Variants in PITPNC1 observed in about 807,000 individuals in gnomAD.
The protein encoded by PITPNC1 is cytoplasmic phosphatidylinositol transfer protein 1.
In PITPNC1, 18 loss-of-function variants were observed where a neutral mutation model predicts 44.7. The observed-to-expected ratio is 0.40, with a 90% CI of 0.28 to 0.60. The LOEUF (loss-of-function observed/expected upper bound fraction) is 0.60, where lower values mean the gene tolerates loss of function less well. Ranked by LOEUF, PITPNC1 falls within the 20% of genes least tolerant of loss-of-function variation. PITPNC1 has a pLI of 0.39. For synonymous variants in PITPNC1, 141 were observed against 149.6 expected (o/e 0.94, Z 0.42); for missense variants, 290 against 418.4 (o/e 0.69, Z 2.68).
At chr17:67,398,409 A>T (rs1460609833) in intron 1 of PITPNC1, among the ~76,000 whole-genome samples, 1 of 152,062 alleles carries the variant, frequency 6.6e-6, no homozygotes, top group Non-Finnish European at 1.5e-5. Flanking sequence ...AAGAAGTGGT[A>T]ATCGGTTGGC....
At chr17:67,573,433 T>A (rs892051139) in intron 4 of PITPNC1, among the ~76,000 whole-genome samples, 6 of 151,982 alleles carry the variant, frequency 3.9e-5, no homozygotes, top group African/African-American at 1.4e-4. Flanking sequence ...AGTTGCTCAG[T>A]CATATTGCAG....
intron 1 of PITPNC1, among the ~76,000 whole-genome samples, chr17:67,386,586 C>T (rs1218591926): frequency 3.9e-5 from 6 of 152,144 alleles, no homozygotes; most frequent in Admixed American, 3.3e-4. Flanking sequence ...TGGGGAATCA[C>T]AACGTTTTGG....
At chr17:67,392,765 C>T (rs2038156926) in intron 1 of PITPNC1, among the ~76,000 whole-genome samples, 1 of 152,170 alleles carries the variant, frequency 6.6e-6, no homozygotes, top group Non-Finnish European at 1.5e-5. Flanking sequence ...AAGAGGACTG[C>T]ACTTCACTGG....
chr17:67,644,081 C>A (rs1162830635), intron 6 of PITPNC1, among the ~76,000 whole-genome samples: 5 of 151,774 alleles, frequency 3.3e-5, no homozygotes, highest in Non-Finnish European at 5.9e-5. Context: ...TGAGACTTTT[C>A]AAAAAAAATG....
chr17:67,466,136 GACTACAGGC>G (rs2039423723), intron 1 of PITPNC1, among the ~76,000 whole-genome samples: 1 of 135,802 alleles, frequency 7.4e-6, no homozygotes, highest in Non-Finnish European at 1.5e-5. Flanking sequence ...GAGTAGCTGG[GACTACAGGC>G]ACACGCCCAA....
chr17:67,407,119 A>G (rs953049896), intron 1 of PITPNC1, among the ~76,000 whole-genome samples: 2 of 152,138 alleles, frequency 1.3e-5, no homozygotes, highest in Admixed American at 1.3e-4. Context: ...ACCGTTTTAC[A>G]TTCCCACCTA....
chr17:67,426,883 G>A (rs1230593574), intron 1 of PITPNC1, among the ~76,000 whole-genome samples: 1 of 152,086 alleles, frequency 6.6e-6, no homozygotes, highest in Non-Finnish European at 1.5e-5. Context: ...CTTGGTAAGA[G>A]TATCCATGTT....
chr17:67,551,885 G>C (rs1006558952), intron 2 of PITPNC1, among the ~76,000 whole-genome samples: 1 of 152,160 alleles, frequency 6.6e-6, no homozygotes, highest in Non-Finnish European at 1.5e-5. Flanking sequence ...CTCCCTGCCA[G>C]TGTTTGGGCT....
chr17:67,592,865 C>T (rs2041410939), intron 5 of PITPNC1, among the ~76,000 whole-genome samples: 1 of 152,180 alleles, frequency 6.6e-6, no homozygotes, highest in African/African-American at 2.4e-5. Flanking sequence ...AGCTAGACCC[C>T]ATCTCTGCAA....
At chr17:67,448,170 C>T (rs1423885329) in intron 1 of PITPNC1, among the ~76,000 whole-genome samples, 1 of 152,018 alleles carries the variant, frequency 6.6e-6, no homozygotes. Context: ...TGGTGTCGAA[C>T]TTCTGACCTC....
At chr17:67,684,365 G>A (rs893781873) in intron 8 of PITPNC1, among the ~76,000 whole-genome samples, 2 of 151,844 alleles carry the variant, frequency 1.3e-5, no homozygotes, top group African/African-American at 2.4e-5. Context: ...CGCCCATCTC[G>A]GCCTCCCAAA....
chr17:67,525,812 C>A (rs1568026530), intron 1 of PITPNC1, among the ~76,000 whole-genome samples: 1 of 152,170 alleles, frequency 6.6e-6, no homozygotes, highest in Non-Finnish European at 1.5e-5. Context: ...AGGAAACTCC[C>A]AAGAAAGCCA....
intron 6 of PITPNC1, among the ~76,000 whole-genome samples, chr17:67,634,379 CCAGCCTGAT>C (rs1488223917): frequency 6.6e-6 from 1 of 151,870 alleles, no homozygotes; most frequent in Non-Finnish European, 1.5e-5. Context: ...GAGTTCGAGA[CCAGCCTGAT>C]CAACATGGCA....
At chr17:67,584,785 A>G (rs2144244737) in intron 5 of PITPNC1, among the ~76,000 whole-genome samples, 1 of 152,304 alleles carries the variant, frequency 6.6e-6, no homozygotes, top group South Asian at 2.1e-4. Flanking sequence ...TGTCCCAGGC[A>G]TTAGGAGAAG....
chr17:67,452,074 A>T (rs913961855), intron 1 of PITPNC1, among the ~76,000 whole-genome samples: 5 of 151,798 alleles, frequency 3.3e-5, no homozygotes, highest in African/African-American at 1.2e-4. Flanking sequence ...GTGCAATCAC[A>T]GTTCACTGCA....
In PITPNC1 at chr17:67,401,376, G is replaced by A. The variant is rs540177204; in HGVS notation, c.48+23174G>A. 1.7e-3 allele frequency among the ~76,000 whole-genome samples: 265 copies of A among 152,256 alleles called. 2 individuals are homozygous for A. The highest frequency in any genetic ancestry group is 6.3e-3 in the African/African-American group (261 of 41,550). ...TTGGGCTTAATACCAGCCATCGCTT[G>A]GGTGTGGGCTCTTTTTGGTAATACA... On this transcript the variant is annotated intron_variant, in intron 1 of 8. Coordinates refer to ENST00000581322, the MANE Select transcript of PITPNC1 (RefSeq NM_012417.4).
chr17:67,494,711 C>T (rs1483090281), intron 1 of PITPNC1, among the ~76,000 whole-genome samples: 1 of 152,028 alleles, frequency 6.6e-6, no homozygotes, highest in Admixed American at 6.6e-5. Flanking sequence ...TGGCTCACGC[C>T]TGTAATCCCC....
At chr17:67,653,767 G>A (rs1179687539) in intron 6 of PITPNC1, among the ~76,000 whole-genome samples, 1 of 152,180 alleles carries the variant, frequency 6.6e-6, no homozygotes, top group Non-Finnish European at 1.5e-5. Context: ...TTAGCCCTGA[G>A]TTAATGTAGG....
intron 8 of PITPNC1, among the ~76,000 whole-genome samples, chr17:67,687,592 T>C (rs1164055474): frequency 6.6e-6 from 1 of 152,236 alleles, no homozygotes; most frequent in East Asian, 1.9e-4. Flanking sequence ...GCTCATCAGC[T>C]ATTTTAGGTT....
Sources: gnomAD v4.1 joint callset for allele counts (sites outside exome capture counted in the v4.1 genomes callset) on GRCh38, gnomAD v4.1.1 for gene constraint, MANE v1.5 for transcripts, NCBI Gene and HGNC (gene_info 2026-07-23, HGNC 2026-07-21) for gene names.